The following LRRTM4 variants were observed in gnomAD, a reference collection of about 807,000 sequenced individuals.
LRRTM4 encodes the protein leucine rich repeat transmembrane neuronal 4.
LRRTM4 carries 25 observed loss-of-function variants against 47.6 expected under a neutral mutation model. That is an observed-to-expected ratio of 0.53 (90% confidence interval 0.38 to 0.73). The LOEUF is 0.73. Ranked by LOEUF, LRRTM4 falls within the 30% of genes least tolerant of loss-of-function variation. The pLI is 0.00. For synonymous variants in LRRTM4, 311 were observed against 269.5 expected, an observed-to-expected ratio of 1.15 and a Z score of -1.51; for missense variants, 638 against 713.4, an observed-to-expected ratio of 0.89 and a Z score of 1.20.
intron 3 of LRRTM4, among the ~76,000 whole-genome samples, chr2:77,408,989 TA>T (rs975300223): frequency 2.0e-5 from 3 of 152,074 alleles, no homozygotes; most frequent in African/African-American, 7.2e-5. Context: ...TAGGGAAAAA[TA>T]TTGCCGTTTT....
At chr2:76,897,519 T>C (rs1053840087) in intron 3 of LRRTM4, among the ~76,000 whole-genome samples, 8 of 152,118 alleles carry the variant, frequency 5.3e-5, no homozygotes, top group African/African-American at 1.9e-4. Flanking sequence ...TTTATTAATC[T>C]CTGGTAAACA....
At chr2:77,163,879 T>G (rs371025158) in intron 3 of LRRTM4, among the ~76,000 whole-genome samples, 3 of 152,110 alleles carry the variant, frequency 2.0e-5, no homozygotes, top group African/African-American at 7.2e-5. Flanking sequence ...AGACCTTCAA[T>G]GCTAGGAAGA....
At chr2:77,426,068 T>C (rs1675091692) in intron 3 of LRRTM4, among the ~76,000 whole-genome samples, 1 of 151,406 alleles carries the variant, frequency 6.6e-6, no homozygotes, top group Non-Finnish European at 1.5e-5. Flanking sequence ...TGAGCCGAGA[T>C]TGCGCCACTG....
intron 3 of LRRTM4, among the ~76,000 whole-genome samples, chr2:77,480,475 T>A (rs1437005359): frequency 6.6e-6 from 1 of 152,174 alleles, no homozygotes; most frequent in African/African-American, 2.4e-5. Context: ...AGTCATCAAC[T>A]GCATCAGCCA....
chr2:77,384,125 T>C (rs887472234), intron 3 of LRRTM4, among the ~76,000 whole-genome samples: 7 of 152,078 alleles, frequency 4.6e-5, no homozygotes, highest in African/African-American at 1.7e-4. Flanking sequence ...TCTTTACGGA[T>C]TTTTAGTATA....
intron 3 of LRRTM4, among the ~76,000 whole-genome samples, chr2:76,938,024 TC>T (rs1252904898): frequency 6.6e-6 from 1 of 152,172 alleles, no homozygotes; most frequent in Admixed American, 6.5e-5. Flanking sequence ...TTAAATACCC[TC>T]CTTTTTTCCT....
intron 3 of LRRTM4, among the ~76,000 whole-genome samples, chr2:77,341,309 T>G (rs1386188476): frequency 2.0e-5 from 3 of 152,000 alleles, no homozygotes; most frequent in African/African-American, 7.2e-5. Context: ...GAATGAATCA[T>G]GTTCTCTCTT....
intron 3 of LRRTM4, among the ~76,000 whole-genome samples, chr2:77,226,839 T>C (rs933019322): frequency 1.3e-5 from 2 of 151,952 alleles, no homozygotes; most frequent in Non-Finnish European, 2.9e-5. Context: ...AATGTACTGA[T>C]AGTTGAGTGA....
At position 77,296,399 on chromosome 2, in the gene LRRTM4, T is replaced by G. The variant is rs149114311; in HGVS notation, c.1551+221919A>C. ...TCTTCGATTTTTTTGGCCTATTTAT[T>G]CAGTAACAGTATCATTACCTTCTTT... On this transcript the variant is annotated intron_variant, in intron 3 of 3. Transcript: ENST00000409884. 2.4e-3 allele frequency among the ~76,000 whole-genome samples: 366 copies of G among 152,310 alleles called. 2 individuals are homozygous for G. Among genetic ancestry groups the G allele is most frequent in the African/African-American group, 8.5e-3 (355 of 41,584 alleles).
At chr2:77,119,461 A>G (rs1213009534) in intron 3 of LRRTM4, among the ~76,000 whole-genome samples, 2 of 151,818 alleles carry the variant, frequency 1.3e-5, no homozygotes, top group Non-Finnish European at 3.0e-5. Context: ...TCTAAGAGCA[A>G]TTAAGATAAA....
intron 3 of LRRTM4, among the ~76,000 whole-genome samples, chr2:77,374,970 A>C (rs1186228162): frequency 6.6e-6 from 1 of 151,730 alleles, no homozygotes; most frequent in Non-Finnish European, 1.5e-5. Context: ...TCAGTTTTCT[A>C]AATTTCTTCT....
At chr2:76,909,726 CA>C (rs1035968594) in intron 3 of LRRTM4, among the ~76,000 whole-genome samples, 11 of 151,908 alleles carry the variant, frequency 7.2e-5, no homozygotes, top group African/African-American at 2.2e-4. Flanking sequence ...TTTATGCAGC[CA>C]AAAAAACACA....
At chr2:76,790,111 T>C (rs910454881) in intron 3 of LRRTM4, among the ~76,000 whole-genome samples, 1 of 152,196 alleles carries the variant, frequency 6.6e-6, no homozygotes, top group Non-Finnish European at 1.5e-5. Context: ...TCAGAGATTT[T>C]GGTTTACTTT....
At chr2:77,456,416 A>T (rs1009144653) in intron 3 of LRRTM4, among the ~76,000 whole-genome samples, 1 of 152,168 alleles carries the variant, frequency 6.6e-6, no homozygotes, top group Non-Finnish European at 1.5e-5. Context: ...AAACTAAAGT[A>T]GGCTAACTGT....
chr2:76,800,257 A>G (rs1457579246), intron 3 of LRRTM4, among the ~76,000 whole-genome samples: 1 of 149,228 alleles, frequency 6.7e-6, no homozygotes, highest in Non-Finnish European at 1.5e-5. Flanking sequence ...AAACAGAGAT[A>G]TAGATCAATG....
At chr2:77,115,369 T>A (rs1407800052) in intron 3 of LRRTM4, among the ~76,000 whole-genome samples, 1 of 152,322 alleles carries the variant, frequency 6.6e-6, no homozygotes, top group Admixed American at 6.5e-5. Context: ...GATTTCATAT[T>A]GTTCGAACAC....
chr2:76,890,220 G>A (rs1673209279), intron 3 of LRRTM4, among the ~76,000 whole-genome samples: 1 of 151,950 alleles, frequency 6.6e-6, no homozygotes, highest in African/African-American at 2.4e-5. Flanking sequence ...CACAGCTAGT[G>A]GTCTAGCACT....
intron 3 of LRRTM4, among the ~76,000 whole-genome samples, chr2:77,141,247 A>T (rs568981428): frequency 6.6e-6 from 1 of 152,316 alleles, no homozygotes; most frequent in African/African-American, 2.4e-5. Context: ...GATAGACTGG[A>T]TTAAGAAAAT....
At chr2:77,264,454 T>C (rs910015086) in intron 3 of LRRTM4, among the ~76,000 whole-genome samples, 6 of 152,080 alleles carry the variant, frequency 3.9e-5, no homozygotes, top group Non-Finnish European at 8.8e-5. Context: ...GTGACTTCTT[T>C]AGAGATCCTA....
Sources: allele counts gnomAD v4.1 joint callset (sites outside exome capture counted in the v4.1 genomes callset), GRCh38; gene constraint gnomAD v4.1.1; transcripts MANE v1.5; gene names NCBI Gene and HGNC (gene_info 2026-07-23, HGNC 2026-07-21).